CTBP2: variants seen among roughly 807,000 people sequenced by gnomAD.
The protein encoded by CTBP2 is C-terminal-binding protein 2.
Under a neutral mutation model 80.3 loss-of-function variants are expected in CTBP2, and 30 were observed. The observed-to-expected ratio is 0.37, with a 90% CI of 0.28 to 0.51. The LOEUF (loss-of-function observed/expected upper bound fraction) is 0.51. Among genes scored for constraint, CTBP2 ranks in the 20% least tolerant of loss-of-function variants. The pLI, the probability that CTBP2 is intolerant of heterozygous loss-of-function variation, is 0.93. For missense variants in CTBP2, 1,212 were observed against 1,375.3 expected (o/e 0.88, Z 1.88); for synonymous variants, 594 against 587.4 (o/e 1.01, Z -0.16).
intron 2 of CTBP2, among the ~76,000 whole-genome samples, chr10:125,105,317 T>TA (rs1205186706): frequency 1.3e-5 from 2 of 152,206 alleles, no homozygotes; most frequent in African/African-American, 4.8e-5. Flanking sequence ...GGCTGATTTT[T>TA]TAAAAAAATT....
At chr10:125,083,060 T>C (rs1386828280) in intron 2 of CTBP2, among the ~76,000 whole-genome samples, 2 of 151,974 alleles carry the variant, frequency 1.3e-5, no homozygotes, top group Non-Finnish European at 2.9e-5. Flanking sequence ...CTCTGGGGGG[T>C]TGGTCCCCAC....
chr10:125,086,242 C>T (rs1165876276), intron 2 of CTBP2, among the ~76,000 whole-genome samples: 1 of 152,094 alleles, frequency 6.6e-6, no homozygotes, highest in Non-Finnish European at 1.5e-5. Flanking sequence ...GATGAAAGAG[C>T]TCTTTTGGCC....
At chr10:125,049,041 C>CCACACACACACACA (rs1364121384) in intron 2 of CTBP2, among the ~76,000 whole-genome samples, 6 of 112,466 alleles carry the variant, frequency 5.3e-5, no homozygotes, top group East Asian at 3.9e-4. Flanking sequence ...GCCCGCCTGA[C>CCACACACACACACA]CACAGACACA....
At chr10:125,015,744 C>T (rs1590084286) in intron 1 of CTBP2, among the ~76,000 whole-genome samples, 1 of 152,236 alleles carries the variant, frequency 6.6e-6, no homozygotes, top group Non-Finnish European at 1.5e-5. Context: ...GTGCCCCTGA[C>T]AACAACAGAA....
rs902775350 is a variant in CTBP2, at chr10:125,027,828, C to T, written c.-69G>A. On this transcript the variant is annotated 5_prime_UTR_variant, in exon 1 of 9. Transcript: ENST00000309035. ...TTTATAAATCTTCAATTACATACAT[C>T]AAAAACAGACCTGGCTGTGTGCTAA... 1.4e-6 allele frequency: 2 copies of T among 1,447,918 alleles called. No individual in the cohort carries two copies. The highest frequency in any genetic ancestry group is 2.9e-5 in the African/African-American group (2 of 70,144). 89.7% of individuals were successfully genotyped at this position (1,447,918 alleles called of 1,614,324 possible).
intron 1 of CTBP2, among the ~76,000 whole-genome samples, chr10:125,126,184 T>C (rs976481431): frequency 6.0e-4 from 92 of 152,338 alleles, no homozygotes; most frequent in African/African-American, 2.1e-3. Context: ...TTTCCTGCCT[T>C]GTCCAACTAT....
At chr10:125,083,882 C>T (rs1847567851) in intron 2 of CTBP2, among the ~76,000 whole-genome samples, 1 of 152,194 alleles carries the variant, frequency 6.6e-6, no homozygotes, top group Non-Finnish European at 1.5e-5. Flanking sequence ...CTGGTTTAAG[C>T]ATTTTTCCTG....
At chr10:124,993,552 T>C (rs1361571923) in intron 6 of CTBP2, among the ~76,000 whole-genome samples, 1 of 152,216 alleles carries the variant, frequency 6.6e-6, no homozygotes, top group Non-Finnish European at 1.5e-5. Flanking sequence ...CCCAATTCTA[T>C]TGAAGGCTTG....
intron 2 of CTBP2, among the ~76,000 whole-genome samples, chr10:125,065,930 T>C (rs148176997): frequency 3.7e-3 from 570 of 152,064 alleles, no homozygotes; most frequent in Middle Eastern, 0.014. Context: ...GGCGAAACCC[T>C]GTCCTAAGAA....
At chr10:124,992,841 A>C in intron 7 of CTBP2, 29 bp from the exon 10 acceptor site, 4 of 1,509,146 alleles carry the variant, frequency 2.7e-6, no homozygotes, top group Non-Finnish European at 3.7e-6. Context: ...AATTAATCAT[A>C]TTATTTTTAC....
At chr10:125,101,260 C>G (rs567669922) in intron 2 of CTBP2, among the ~76,000 whole-genome samples, 28 of 152,374 alleles carry the variant, frequency 1.8e-4, no homozygotes, top group Non-Finnish European at 2.8e-4. Context: ...CAGTGTGGCT[C>G]TCGAGAGAAA....
At chr10:125,018,185 T>A (rs1956685542) in intron 1 of CTBP2, among the ~76,000 whole-genome samples, 1 of 152,190 alleles carries the variant, frequency 6.6e-6, no homozygotes, top group Non-Finnish European at 1.5e-5. Context: ...AGGAAAAATG[T>A]CCAGAGTCTT....
chr10:125,120,872 A>C (rs1017974725), intron 1 of CTBP2, among the ~76,000 whole-genome samples: 6 of 152,190 alleles, frequency 3.9e-5, no homozygotes, highest in African/African-American at 1.4e-4. Flanking sequence ...AATGGACTAC[A>C]TGTGCAATAC....
At chr10:125,002,750 C>A (rs1435079832) in intron 3 of CTBP2, among the ~76,000 whole-genome samples, 1 of 152,216 alleles carries the variant, frequency 6.6e-6, no homozygotes, top group African/African-American at 2.4e-5. Context: ...CCCGCAGACC[C>A]CACACAAGGG....
intron 1 of CTBP2, among the ~76,000 whole-genome samples, chr10:125,004,031 G>T (rs955807115): frequency 3.3e-5 from 5 of 152,214 alleles, no homozygotes; most frequent in Non-Finnish European, 7.3e-5. Flanking sequence ...GCTCAGGAGA[G>T]CAAACTTCTC....
At chr10:125,018,476 C>G (rs1447575441) in intron 1 of CTBP2, among the ~76,000 whole-genome samples, 1 of 151,750 alleles carries the variant, frequency 6.6e-6, no homozygotes, top group African/African-American at 2.4e-5. Context: ...GGTGACAGAG[C>G]AAGACTCTGT....
chr10:125,132,929 C>T (rs918056755), intron 1 of CTBP2, among the ~76,000 whole-genome samples: 27 of 152,168 alleles, frequency 1.8e-4, no homozygotes, highest in Admixed American at 1.7e-3. Context: ...GGCAAAATGA[C>T]GCTTAGAATG....
chr10:125,023,763 TGAG>T (rs1448555371), intron 1 of CTBP2, among the ~76,000 whole-genome samples: 1 of 151,180 alleles, frequency 6.6e-6, no homozygotes, highest in African/African-American at 2.4e-5. Context: ...GTTCGTGGAC[TGAG>T]AAAAAGCAAA....
intron 2 of CTBP2, among the ~76,000 whole-genome samples, chr10:125,098,048 G>A (rs1443171829): frequency 6.6e-6 from 1 of 152,162 alleles, no homozygotes; most frequent in Non-Finnish European, 1.5e-5. Context: ...TTGAACCCAG[G>A]AGGCGGAGAT....
Sources: gnomAD v4.1 joint callset for allele counts (sites outside exome capture counted in the v4.1 genomes callset) on GRCh38, gnomAD v4.1.1 for gene constraint, MANE v1.5 for transcripts, NCBI Gene and HGNC (gene_info 2026-07-23, HGNC 2026-07-21) for gene names.